Variants in SLC8A1 observed in about 807,000 individuals in gnomAD.
SLC8A1 encodes the protein solute carrier family 8 member A1, also known as sodium/calcium exchanger 1.
In SLC8A1, 18 loss-of-function variants were observed where a neutral mutation model predicts 68.3. The ratio of observed to expected loss-of-function variants is 0.26; its 90% CI spans 0.18 to 0.39. The LOEUF is 0.39. Ranked by LOEUF, SLC8A1 falls within the 10% of genes least tolerant of loss-of-function variation. The pLI, the probability that SLC8A1 is intolerant of heterozygous loss-of-function variation, is 1.00. For missense variants in SLC8A1, 985 were observed against 1,156.7 expected, an observed-to-expected ratio of 0.85 and a Z score of 2.15; for synonymous variants, 475 against 415.5, an observed-to-expected ratio of 1.14 and a Z score of -1.74.
chr2:40,437,680 T>C (rs1049361906), intron 1 of SLC8A1, among the ~76,000 whole-genome samples: 10 of 152,146 alleles, frequency 6.6e-5, no homozygotes, highest in African/African-American at 1.9e-4. Flanking sequence ...TTTTTTAAAA[T>C]AGAATTTCAT....
chr2:40,486,113 A>C (rs181697280), intron 1 of SLC8A1, among the ~76,000 whole-genome samples: 1 of 152,264 alleles, frequency 6.6e-6, no homozygotes, highest in East Asian at 1.9e-4. Flanking sequence ...TGATGGTTTT[A>C]TAAGGGGCTT....
chr2:40,313,337 T>A (rs1020568791), intron 2 of SLC8A1, among the ~76,000 whole-genome samples: 2 of 152,152 alleles, frequency 1.3e-5, no homozygotes, highest in African/African-American at 4.8e-5. Flanking sequence ...TTTGATTACT[T>A]ATTCACTTGC....
At chr2:40,277,280 C>T (rs544657495) in intron 2 of SLC8A1, among the ~76,000 whole-genome samples, 138 of 152,122 alleles carry the variant, frequency 9.1e-4, no homozygotes, top group Non-Finnish European at 1.5e-3. Flanking sequence ...GTAGCTCACG[C>T]CTATAATCCC....
intron 1 of SLC8A1, among the ~76,000 whole-genome samples, chr2:40,432,330 T>C (rs1698498656): frequency 6.6e-6 from 1 of 150,692 alleles, no homozygotes; most frequent in African/African-American, 2.4e-5. Flanking sequence ...AATATAAATA[T>C]CAGAAGGTTA....
At chr2:40,136,688 C>T (rs1167363919) in intron 7 of SLC8A1, among the ~76,000 whole-genome samples, 2 of 152,062 alleles carry the variant, frequency 1.3e-5, no homozygotes, top group South Asian at 4.1e-4. Context: ...AGCAACTGGG[C>T]TTTGTCACCT....
chr2:40,225,435 G>A (rs1434247517), intron 2 of SLC8A1, among the ~76,000 whole-genome samples: 1 of 152,100 alleles, frequency 6.6e-6, no homozygotes, highest in Non-Finnish European at 1.5e-5. Flanking sequence ...GCTACTAATA[G>A]TTTTCTCTTG....
intron 2 of SLC8A1, among the ~76,000 whole-genome samples, chr2:40,390,348 A>G (rs1485374466): frequency 6.6e-6 from 1 of 152,048 alleles, no homozygotes; most frequent in African/African-American, 2.4e-5. Context: ...ATGTTTATTA[A>G]ATGAGGCTGA....
In SLC8A1 at chr2:40,493,090, C is replaced by G. The variant is rs540294956; in HGVS notation, c.-25+19259G>C. The stretch of plus-strand genomic sequence containing the variant: ...ATTCACAATAGCAAAGACTTGGAAC[C>G]AATCCAAATGTCCAACAATAATAGA... On this transcript the variant is annotated intron_variant, in intron 1 of 7. Transcript: ENST00000402441. Among the ~76,000 whole-genome samples, 594 of 152,148 alleles carry G rather than the reference C, an allele frequency of 3.9e-3. 4 individuals are homozygous for G. Among genetic ancestry groups the G allele is most frequent in the African/African-American group, 0.012 (517 of 41,506 alleles).
At chr2:40,478,774 GT>G (rs760505178) in intron 1 of SLC8A1, among the ~76,000 whole-genome samples, 276 of 133,848 alleles carry the variant, frequency 2.1e-3, no homozygotes, top group Admixed American at 4.0e-3. Flanking sequence ...TAATTTGTTT[GT>G]TTTTTTTTTT....
chr2:40,416,213 A>G (rs1693832418), intron 2 of SLC8A1, among the ~76,000 whole-genome samples: 1 of 152,146 alleles, frequency 6.6e-6, no homozygotes, highest in Non-Finnish European at 1.5e-5. Context: ...GATTTGGACA[A>G]TAAGTTATAT....
intron 2 of SLC8A1, among the ~76,000 whole-genome samples, chr2:40,369,999 T>C (rs1013609629): frequency 5.3e-5 from 8 of 152,120 alleles, no homozygotes; most frequent in African/African-American, 1.9e-4. Context: ...CCACAGAAGA[T>C]GGAGAGAAGT....
intron 2 of SLC8A1, among the ~76,000 whole-genome samples, chr2:40,196,783 A>T (rs2053128948): frequency 1.3e-5 from 2 of 151,996 alleles, no homozygotes; most frequent in South Asian, 2.1e-4. Flanking sequence ...CTTTTCCATG[A>T]CGCTTTCTTA....
At chr2:40,369,490 A>G (rs1677318200) in intron 2 of SLC8A1, among the ~76,000 whole-genome samples, 2 of 152,058 alleles carry the variant, frequency 1.3e-5, no homozygotes, top group African/African-American at 4.8e-5. Context: ...TAGATTTAGC[A>G]TTGCTAATGT....
In SLC8A1 at chr2:40,437,664, T is replaced by A. The variant is rs116671278; in HGVS notation, c.-24-7360A>T. ...AACACTTTGCTCTAATAACAATAAT[T>A]CAGTATTTTTTAAAATAGAATTTCA... On this transcript the variant is annotated intron_variant, in intron 1 of 7. Coordinates refer to ENST00000406785, the Ensembl canonical transcript of SLC8A1. Among the ~76,000 whole-genome samples the A allele has an allele frequency of 3.4e-3, 517 of 152,176 alleles. 2 individuals are homozygous for A. Among genetic ancestry groups the A allele is most frequent in the African/African-American group, 0.012 (492 of 41,528 alleles).
intron 2 of SLC8A1, among the ~76,000 whole-genome samples, chr2:40,260,562 A>G (rs2064556077): frequency 6.6e-6 from 1 of 152,216 alleles, no homozygotes; most frequent in Non-Finnish European, 1.5e-5. Flanking sequence ...AAGTTCAAAG[A>G]CATTTAAATT....
chr2:40,259,848 G>A (rs759132667), intron 2 of SLC8A1, among the ~76,000 whole-genome samples: 5 of 152,110 alleles, frequency 3.3e-5, no homozygotes, highest in Non-Finnish European at 5.9e-5. Flanking sequence ...TCTTGGCCAT[G>A]TATCTTCTAT....
At chr2:40,298,351 T>C (rs934254930) in intron 2 of SLC8A1, among the ~76,000 whole-genome samples, 4 of 152,212 alleles carry the variant, frequency 2.6e-5, no homozygotes, top group African/African-American at 7.2e-5. Flanking sequence ...GGCTCTTTTC[T>C]TTCCCTAAAT....
intron 2 of SLC8A1, among the ~76,000 whole-genome samples, chr2:40,269,545 T>C (rs2065766169): frequency 1.3e-5 from 2 of 152,180 alleles, no homozygotes; most frequent in South Asian, 2.1e-4. Flanking sequence ...TTATTTCCCA[T>C]AGGTTCATGA....
intron 1 of SLC8A1, among the ~76,000 whole-genome samples, chr2:40,503,166 G>A (rs1559776711): frequency 6.6e-6 from 1 of 151,914 alleles, no homozygotes; most frequent in Non-Finnish European, 1.5e-5. Flanking sequence ...AAACAACAAA[G>A]CACCTTTTGT....
Sources: gnomAD v4.1 joint callset for allele counts (sites outside exome capture counted in the v4.1 genomes callset) on GRCh38, gnomAD v4.1.1 for gene constraint, MANE v1.5 for transcripts, NCBI Gene and HGNC (gene_info 2026-07-23, HGNC 2026-07-21) for gene names.